KIF13A: variants seen among roughly 807,000 people sequenced by gnomAD.
KIF13A encodes the protein kinesin family member 13A.
KIF13A carries 79 observed loss-of-function variants against 212.2 expected under a neutral mutation model. The ratio of observed to expected loss-of-function variants is 0.37; its 90% CI spans 0.31 to 0.45. The LOEUF (loss-of-function observed/expected upper bound fraction) is 0.45, where lower values mean the gene tolerates loss of function less well. Ranked by LOEUF, KIF13A falls within the 20% of genes least tolerant of loss-of-function variation. The pLI is 1.00. For missense variants in KIF13A, 1,901 were observed against 2,209.0 expected (o/e 0.86, Z 2.79); for synonymous variants, 789 against 808.6 (o/e 0.98, Z 0.41).
chr6:17,904,088 TGGA>T (rs1054571575), intron 2 of KIF13A, among the ~76,000 whole-genome samples: 2 of 147,480 alleles, frequency 1.4e-5, no homozygotes, highest in Non-Finnish European at 3.0e-5. Flanking sequence ...GCCCAGAAGG[TGGA>T]GGTTATAGTG....
At chr6:17,881,243 G>A (rs1771029120) in intron 3 of KIF13A, among the ~76,000 whole-genome samples, 1 of 152,124 alleles carries the variant, frequency 6.6e-6, no homozygotes, top group African/African-American at 2.4e-5. Flanking sequence ...TCTTAAAAAT[G>A]TTAGCTTTGC....
At chr6:17,920,579 A>T (rs7767446) in intron 2 of KIF13A, among the ~76,000 whole-genome samples, 25,328 of 152,168 alleles carry the variant, frequency 0.17, 2,283 homozygotes, top group Middle Eastern at 0.25. Context: ...ACTTTCATGT[A>T]AAAGTAATAT....
chr6:17,807,100 A>T (rs1443729164), intron 18 of KIF13A, among the ~76,000 whole-genome samples: 2 of 152,222 alleles, frequency 1.3e-5, no homozygotes, highest in Non-Finnish European at 2.9e-5. Flanking sequence ...AACTGTGTTA[A>T]CTATACAAAT....
At chr6:17,822,580 G>C (rs971583605) in intron 16 of KIF13A, among the ~76,000 whole-genome samples, 7 of 152,120 alleles carry the variant, frequency 4.6e-5, no homozygotes, top group Non-Finnish European at 1.5e-5. Context: ...GATCTCGGAG[G>C]GCTAAATGAT....
chr6:17,816,623 T>C lies in KIF13A; in HGVS notation c.2000+397A>G, dbSNP rs1763978662. Among the ~76,000 whole-genome samples, 1 of 152,168 alleles carries C rather than the reference T, an allele frequency of 6.6e-6. No homozygotes were observed. Among genetic ancestry groups the C allele is most frequent in the Non-Finnish European group, 1.5e-5 (1 of 68,034 alleles). On this transcript the variant is annotated intron_variant, in intron 17 of 38. Transcript: ENST00000259711. This position sits in a 1 kb window ranked among gnomAD's most constrained non-coding sequence, Gnocchi z 4.3. ...GTGAGCCACTGCACCCAGCTATAAA[T>C]CTTAAACTTTCACATTTAGTAGATT...
intron 2 of KIF13A, among the ~76,000 whole-genome samples, chr6:17,962,687 G>A (rs1228801301): frequency 1.3e-5 from 2 of 152,200 alleles, no homozygotes; most frequent in African/African-American, 2.4e-5. Context: ...CTCAACCACA[G>A]AGTACTTCTG....
chr6:17,828,835 C>T lies in KIF13A; in HGVS notation c.1402-465G>A, dbSNP rs1236041841. On this transcript the variant is annotated intron_variant, in intron 13 of 38. Coordinates refer to ENST00000259711, the MANE Select transcript of KIF13A (RefSeq NM_022113.6). The surrounding 1 kb of genome is among the most constrained non-coding windows in gnomAD (Gnocchi z 4.3). Reference sequence around the variant, plus strand: ...TTTAAGAACCATTAAAAAGCAGTTTCATTGACAGTAATATTTTAAAATATT... The same window carrying T: ...TTTAAGAACCATTAAAAAGCAGTTTTATTGACAGTAATATTTTAAAATATT... 6.6e-6 allele frequency among the ~76,000 whole-genome samples: 1 copy of T among 152,134 alleles called. No homozygotes were observed. The highest frequency in any genetic ancestry group is 1.5e-5 in the Non-Finnish European group (1 of 68,034).
intron 2 of KIF13A, among the ~76,000 whole-genome samples, chr6:17,921,023 G>GCCTA (rs1775027196): frequency 6.6e-6 from 1 of 152,036 alleles, no homozygotes; most frequent in Admixed American, 6.6e-5. Context: ...CAATCCTGAG[G>GCCTA]CCTACTAGGC....
chr6:17,987,206 CGCCAGCCGCGCCGAGCGGG>C lies in KIF13A; in HGVS notation c.56-81_56-63del. 1 of 1,344,286 alleles carries C rather than the reference CGCCAGCCGCGCCGAGCGGG, an allele frequency of 7.4e-7. No homozygotes were observed. The highest frequency in any genetic ancestry group is 1.0e-6 in the Non-Finnish European group (1 of 973,718). 83.3% of individuals were successfully genotyped at this position (1,344,286 alleles called of 1,614,324 possible). On this transcript the variant is annotated intron_variant, in intron 1 of 38. Transcript: ENST00000259711. This position sits in a 1 kb window ranked among gnomAD's most constrained non-coding sequence, Gnocchi z 7.7. Reference sequence around the variant, plus strand: ...CATCCGCGCCTCCAGCCCGCCCGCCCGCCAGCCGCGCCGAGCGGGGCTCCGTCCCTGGAGGCGGCCGAGC... The same window carrying C: ...CATCCGCGCCTCCAGCCCGCCCGCCCGCTCCGTCCCTGGAGGCGGCCGAGC...
intron 19 of KIF13A, among the ~76,000 whole-genome samples, chr6:17,805,123 C>G (rs563705998): frequency 1.3e-5 from 2 of 152,318 alleles, no homozygotes; most frequent in African/African-American, 4.8e-5. Context: ...GAAATCCACA[C>G]TGGCTCCAGT....
chr6:17,865,112 A>G (rs748385152), intron 4 of KIF13A, among the ~76,000 whole-genome samples: 5 of 152,202 alleles, frequency 3.3e-5, no homozygotes, highest in Non-Finnish European at 7.3e-5. Flanking sequence ...CAAGGCAGAC[A>G]CCTATGGCCC....
rs533391183 is a variant in KIF13A at position 17,943,753 on chromosome 6, G to T, written c.146+43301C>A. ...AACTCTATAAAGCCAAATACTACTG[G>T]TTTTGGTAATTTACAACTCAACGGG... On this transcript the variant is annotated intron_variant, in intron 2 of 38. Coordinates refer to ENST00000259711, the MANE Select transcript of KIF13A (RefSeq NM_022113.6). 3.9e-5 allele frequency among the ~76,000 whole-genome samples: 6 copies of T among 152,186 alleles called. No individual in the cohort carries two copies. In the South Asian group the frequency reaches 1.2e-3, roughly 32 times the overall value.
Position 17,886,346 on chromosome 6 carries a change from A to C in KIF13A, c.159+11822T>G, listed in dbSNP as rs899390992. 6.6e-6 allele frequency among the ~76,000 whole-genome samples: 1 copy of C among 152,102 alleles called. No individual in the cohort carries two copies. Among genetic ancestry groups the C allele is most frequent in the Non-Finnish European group, 1.5e-5 (1 of 68,000 alleles). ...CTGACTCCATGGCCCCAGGTCACCA[A>C]AGCTAAAGGACCTGAGGCAGTCCAG... is the stretch of plus-strand genomic sequence containing the variant. On this transcript the variant is annotated intron_variant, in intron 3 of 38. Coordinates refer to ENST00000259711, the MANE Select transcript of KIF13A (RefSeq NM_022113.6). The surrounding 1 kb of genome is among the most constrained non-coding windows in gnomAD (Gnocchi z 5.6).
chr6:17,974,074 A>G (rs1780055307), intron 2 of KIF13A, among the ~76,000 whole-genome samples: 1 of 152,064 alleles, frequency 6.6e-6, no homozygotes, highest in African/African-American at 2.4e-5. Context: ...TATGTTAGGA[A>G]CCTGGTTTTT....
intron 38 of KIF13A, among the ~76,000 whole-genome samples, chr6:17,765,355 A>C (rs545314347): frequency 9.2e-5 from 14 of 152,224 alleles, no homozygotes; most frequent in Middle Eastern, 6.8e-3. Flanking sequence ...GAGAAGAGCC[A>C]CTCCTTTTGT....
intron 2 of KIF13A, among the ~76,000 whole-genome samples, chr6:17,916,616 C>T (rs1230140816): frequency 6.6e-6 from 1 of 152,202 alleles, no homozygotes; most frequent in African/African-American, 2.4e-5. Flanking sequence ...GACAAACTCA[C>T]AACATAGACC....
At chr6:17,798,840 A>G (rs932559437) in intron 22 of KIF13A, among the ~76,000 whole-genome samples, 3 of 152,214 alleles carry the variant, frequency 2.0e-5, no homozygotes, top group African/African-American at 7.2e-5. Flanking sequence ...TGCTATATTC[A>G]TAAGAATCAG....
chr6:17,928,607 T>C (rs887988515), intron 2 of KIF13A, among the ~76,000 whole-genome samples: 2 of 152,140 alleles, frequency 1.3e-5, no homozygotes, highest in African/African-American at 4.8e-5. Flanking sequence ...TACAAAGCAG[T>C]CAAATGCCTC....
chr6:17,852,085 C>A, intron 6 of KIF13A, 43 bp from the exon 7 acceptor site: 1 of 1,088,586 alleles, frequency 9.2e-7, no homozygotes, highest in Admixed American at 3.7e-5. Flanking sequence ...CACACCAAAG[C>A]TGGAAGCTTT....
Sources: allele counts gnomAD v4.1 joint callset (sites outside exome capture counted in the v4.1 genomes callset), GRCh38; gene constraint gnomAD v4.1.1; non-coding constraint Gnocchi (gnomAD v3.1); transcripts MANE v1.5; gene names NCBI Gene and HGNC (gene_info 2026-07-23, HGNC 2026-07-21).